Variants in SORT1 observed in about 807,000 individuals in gnomAD.
SORT1 encodes the protein sortilin.
A neutral mutation model predicts 101.7 loss-of-function variants in SORT1; 39 were observed. The observed-to-expected ratio is 0.38, with a 90% confidence interval of 0.30 to 0.50. The LOEUF (loss-of-function observed/expected upper bound fraction) is 0.50. Among genes scored for constraint, SORT1 ranks in the 20% least tolerant of loss-of-function variants. The pLI is 0.90. For missense variants in SORT1, 878 were observed against 1,040.4 expected (o/e 0.84, Z 2.15); for synonymous variants, 396 against 393.7 (o/e 1.01, Z -0.07).
chr1:109,374,555 C>T (rs1651697811), intron 1 of SORT1, among the ~76,000 whole-genome samples: 1 of 150,220 alleles, frequency 6.7e-6, no homozygotes, highest in Non-Finnish European at 1.5e-5. Flanking sequence ...TGGACCATTG[C>T]ACTACAGCTT....
intron 1 of SORT1, among the ~76,000 whole-genome samples, chr1:109,383,710 A>G (rs1652398369): frequency 6.6e-6 from 1 of 152,242 alleles, no homozygotes; most frequent in Non-Finnish European, 1.5e-5. Flanking sequence ...AAATCCTAAC[A>G]GAATATAGTT....
At chr1:109,340,645 G>T (rs1649147693) in intron 10 of SORT1, 79 bp downstream of exon 10, 1 of 1,433,510 alleles carries the variant, frequency 7.0e-7, no homozygotes, top group African/African-American at 1.4e-5. Context: ...AACATTACTA[G>T]GGGACAGGTT....
chr1:109,376,232 G>A (rs907590821), intron 1 of SORT1, among the ~76,000 whole-genome samples: 4 of 151,300 alleles, frequency 2.6e-5, no homozygotes, highest in East Asian at 1.9e-4. Context: ...CGGAGAGGCT[G>A]AGGCAGGAGA....
At chr1:109,373,347 TAC>T (rs1557818585) in intron 1 of SORT1, among the ~76,000 whole-genome samples, 1 of 151,952 alleles carries the variant, frequency 6.6e-6, no homozygotes, top group Non-Finnish European at 1.5e-5. Context: ...AAGAAAGACT[TAC>T]ACAGAAAAAA....
At chr1:109,322,834 C>T (rs947371825) in intron 15 of SORT1, 98 bp downstream of exon 15, 2 of 1,000,730 alleles carry the variant, frequency 2.0e-6, no homozygotes, top group African/African-American at 3.2e-5. Flanking sequence ...GCCACCGCAC[C>T]CGGCTGGATT....
chr1:109,365,505 T>A (rs1184375333), intron 3 of SORT1, among the ~76,000 whole-genome samples: 3 of 152,232 alleles, frequency 2.0e-5, no homozygotes, highest in Non-Finnish European at 4.4e-5. Context: ...ATGTTTTTCA[T>A]CTAAAATGGT....
chr1:109,367,326 G>T, intron 3 of SORT1, 82 bp downstream of exon 3: 2 of 772,142 alleles, frequency 2.6e-6, no homozygotes, highest in Non-Finnish European at 4.4e-6. Flanking sequence ...CAACTGTTAC[G>T]TGCCATCATG....
chr1:109,393,346 C>A (rs1389854154), intron 1 of SORT1: 3 of 981,620 alleles, frequency 3.1e-6, no homozygotes, highest in African/African-American at 1.7e-5. Context: ...TGGCTTTATT[C>A]ATCATAAGTT....
chr1:109,344,213 C>T (rs1649428580), intron 8 of SORT1, among the ~76,000 whole-genome samples: 1 of 152,186 alleles, frequency 6.6e-6, no homozygotes, highest in Non-Finnish European at 1.5e-5. Flanking sequence ...GCTTGGACTC[C>T]TGAGAGAGCT....
Position 109,316,892 on chromosome 1 carries a change from C to T in SORT1, c.2208G>A (p.Leu736=). ...GVNPVREVKD[L]KKKCTSNFLS... ...AAAAGTTGCTTGTGCATTTCTTTTT[C>T]AAGTCTTTTACTTCTCGAACTGGAT... Residue 736 remains leucine (L), a synonymous_variant, in exon 17 of 20, where the codon TTG becomes TTA. Transcript: ENST00000256637. The T allele has an allele frequency of 6.2e-7, 1 of 1,611,806 alleles. No homozygotes were observed. The highest frequency in any genetic ancestry group is 8.5e-7 in the Non-Finnish European group (1 of 1,179,106).
At chr1:109,314,148 G>A (rs1658887391) in intron 19 of SORT1, 91 bp from the exon 20 acceptor site, 1 of 1,600,194 alleles carries the variant, frequency 6.2e-7, no homozygotes, top group Non-Finnish European at 8.6e-7. Flanking sequence ...AAATCTTATG[G>A]TCATTAAGTC....
chr1:109,333,683 T>C (rs1648608126), intron 11 of SORT1, among the ~76,000 whole-genome samples: 1 of 151,808 alleles, frequency 6.6e-6, no homozygotes, highest in South Asian at 2.1e-4. Context: ...GAAATACAAA[T>C]AAAAACCACA....
chr1:109,341,447 T>C (rs1037179093), intron 9 of SORT1, among the ~76,000 whole-genome samples: 1 of 151,904 alleles, frequency 6.6e-6, no homozygotes, highest in Non-Finnish European at 1.5e-5. Context: ...CCCGGGTTCA[T>C]GCCATTCTCC....
At chr1:109,323,599 A>C (rs1244473409) in intron 14 of SORT1, among the ~76,000 whole-genome samples, 2 of 152,242 alleles carry the variant, frequency 1.3e-5, no homozygotes, top group Admixed American at 1.3e-4. Context: ...GAAGAAGGGA[A>C]AACATCCTTT....
In SORT1 at chr1:109,313,983, A is replaced by T; in HGVS notation, c.*60T>A. On this transcript the variant is annotated 3_prime_UTR_variant, in exon 20 of 20. Transcript: ENST00000256637. ...ATTTATTTCCTGAAGTTGGAGCCAC[A>T]GGGAGTGTAAGAGGTACTGTGGTTC... 1 of 1,531,140 alleles carries T rather than the reference A, an allele frequency of 6.5e-7. No homozygotes were observed. Among genetic ancestry groups the T allele is most frequent in the Non-Finnish European group, 9.0e-7 (1 of 1,108,150 alleles). The allele number at this position is 1,531,140 out of a possible 1,614,324, so 94.8% of individuals were successfully genotyped here.
At chr1:109,340,407 G>C (rs1029248088) in intron 10 of SORT1, among the ~76,000 whole-genome samples, 1 of 152,118 alleles carries the variant, frequency 6.6e-6, no homozygotes, top group African/African-American at 2.4e-5. Flanking sequence ...GGGTGACTGG[G>C]TGGGGAACGA....
intron 3 of SORT1, 30 bp from the exon 4 acceptor site, chr1:109,355,499 GGGTGCAGT>G: frequency 1.0e-6 from 1 of 990,010 alleles, no homozygotes; most frequent in Non-Finnish European, 1.6e-6. Flanking sequence ...GGCAAATTTA[GGGTGCAGT>G]GGTCATGGAT....
intron 1 of SORT1, among the ~76,000 whole-genome samples, chr1:109,372,087 C>G (rs1354254046): frequency 2.0e-5 from 3 of 152,040 alleles, no homozygotes; most frequent in Admixed American, 2.0e-4. Flanking sequence ...CCTGCCACTT[C>G]AATGGGAGAA....
intron 5 of SORT1, among the ~76,000 whole-genome samples, chr1:109,352,250 G>C (rs1650017365): frequency 6.6e-6 from 1 of 152,072 alleles, no homozygotes; most frequent in Non-Finnish European, 1.5e-5. Flanking sequence ...CTAGAGATAA[G>C]GATTTGAAAA....
Sources: gnomAD v4.1 joint callset for allele counts (sites outside exome capture counted in the v4.1 genomes callset) on GRCh38, gnomAD v4.1.1 for gene constraint, MANE v1.5 for transcripts, NCBI Gene and HGNC (gene_info 2026-07-23, HGNC 2026-07-21) for gene names.